IFT88: variants seen among roughly 807,000 people sequenced by gnomAD.
The protein encoded by IFT88 is intraflagellar transport protein 88 homolog.
A neutral mutation model predicts 119.5 loss-of-function variants in IFT88; 74 were observed. That is an observed-to-expected ratio of 0.62 (90% CI 0.51 to 0.75). The LOEUF is 0.75. Among genes scored for constraint, IFT88 ranks in the 30% least tolerant of loss-of-function variants. The pLI, the probability that IFT88 is intolerant of heterozygous loss-of-function variation, is 0.00. For missense variants in IFT88, 961 were observed against 977.7 expected (o/e 0.98, Z 0.23); for synonymous variants, 279 against 316.7 (o/e 0.88, Z 1.26).
intron 20 of IFT88, among the ~76,000 whole-genome samples, chr13:20,650,473 T>G (rs1320254660): frequency 6.6e-6 from 1 of 152,136 alleles, no homozygotes; most frequent in Non-Finnish European, 1.5e-5. Flanking sequence ...TTCCTTAACG[T>G]GTTAAAGTAT....
intron 24 of IFT88, among the ~76,000 whole-genome samples, chr13:20,680,807 A>G (rs897010118): frequency 2.7e-5 from 3 of 111,238 alleles, no homozygotes; most frequent in African/African-American, 1.2e-4. Context: ...TTTGGCCTGG[A>G]GAACACAAGC....
At chr13:20,591,986 A>G (rs1294794219) in intron 6 of IFT88, among the ~76,000 whole-genome samples, 3 of 152,224 alleles carry the variant, frequency 2.0e-5, no homozygotes, top group Admixed American at 6.5e-5. Flanking sequence ...CAATAAGGAA[A>G]ATTAAAAAGC....
At chr13:20,609,387 A>G (rs1713935291) in intron 13 of IFT88, among the ~76,000 whole-genome samples, 2 of 152,172 alleles carry the variant, frequency 1.3e-5, no homozygotes, top group Admixed American at 1.3e-4. Flanking sequence ...TAGGATCTGA[A>G]TCATGTTCTG....
chr13:20,622,508 A>G (rs1202935424), intron 14 of IFT88, among the ~76,000 whole-genome samples: 1 of 152,130 alleles, frequency 6.6e-6, no homozygotes. Context: ...TCAGTGTTTC[A>G]ATTTTGGCCT....
chr13:20,567,919 G>C (rs949263634), intron 1 of IFT88: 1 of 695,168 alleles, frequency 1.4e-6, no homozygotes, highest in African/African-American at 1.8e-5. Context: ...TAGACCAAGG[G>C]TGTCCAATCT....
Position 20,663,128 on chromosome 13 carries a change from C to G in IFT88, c.2069-370C>G, listed in dbSNP as rs1037718940. 7.5e-6 allele frequency: 4 copies of G among 533,814 alleles called. No individual in the cohort carries two copies. The African/African-American group carries it at 8.0e-5, about 11-fold the overall frequency. The allele number at this position is 533,814 out of a possible 1,614,324, so 33.1% of individuals were successfully genotyped here. A position where few individuals can be genotyped will look rare whatever the true frequency, so the allele number is the denominator to read the frequency against. On this transcript the variant is annotated intron_variant, in intron 22 of 25. Transcript: ENST00000351808. The stretch of plus-strand genomic sequence containing the variant: ...TAGTAATGATTATTATATGTATAAA[C>G]TGTCTACACTTTTTAGCCTAGTCTC...
chr13:20,624,738 G>T (rs762148023), intron 14 of IFT88, among the ~76,000 whole-genome samples: 1 of 152,054 alleles, frequency 6.6e-6, no homozygotes, highest in Non-Finnish European at 1.5e-5. Flanking sequence ...CCAGGAGGAG[G>T]CCACTCAGTT....
intron 13 of IFT88, among the ~76,000 whole-genome samples, chr13:20,613,231 A>C (rs1457636260): frequency 6.6e-6 from 1 of 152,166 alleles, no homozygotes; most frequent in African/African-American, 2.4e-5. Flanking sequence ...AGTAATGTCC[A>C]ACTCAATAAT....
In IFT88 at chr13:20,691,213, T is replaced by C; in HGVS notation, c.*38T>C. The C allele has an allele frequency of 1.9e-6, 3 of 1,569,032 alleles. No individual in the cohort carries two copies. The highest frequency in any genetic ancestry group is 2.6e-6 in the Non-Finnish European group (3 of 1,148,232). On this transcript the variant is annotated 3_prime_UTR_variant, in exon 26 of 26. Coordinates refer to ENST00000351808, the MANE Select transcript of IFT88 (RefSeq NM_006531.5). ...TATTTATTAAAGGAAAGAAATTGCC[T>C]TATGAGATCATCCTCATGTTAAACC...
intron 16 of IFT88, among the ~76,000 whole-genome samples, chr13:20,634,739 A>C (rs112503480): frequency 0.014 from 2,063 of 151,244 alleles, 46 homozygotes; most frequent in African/African-American, 0.046. Flanking sequence ...AACAAACAAA[A>C]AAAAAAAAAG....
In IFT88 at chr13:20,590,965, AGTCC is replaced by A; in HGVS notation, c.211-1_213del. 6.2e-7 allele frequency: 1 copy of A among 1,603,974 alleles called. No individual in the cohort carries two copies. Among genetic ancestry groups the A allele is most frequent in the Non-Finnish European group, 8.5e-7 (1 of 1,173,098 alleles). On this transcript the variant is annotated splice_acceptor_variant and coding_sequence_variant, in exon 5 of 26. Transcript: ENST00000351808. LOFTEE classifies it high-confidence loss of function. ...TTTTAACTTAACTTTTCTGTTTACT[AGTCC>A]AAGACATCTCTGGCATCATCAATAG...
intron 24 of IFT88, among the ~76,000 whole-genome samples, chr13:20,676,599 G>A (rs12430213): frequency 0.041 from 6,266 of 152,222 alleles, 431 homozygotes; most frequent in Admixed American, 0.18. Flanking sequence ...GTAACCAAGT[G>A]TACCCCTGTC....
intron 13 of IFT88, among the ~76,000 whole-genome samples, chr13:20,606,217 T>A (rs1284499090): frequency 6.6e-6 from 1 of 152,128 alleles, no homozygotes; most frequent in African/African-American, 2.4e-5. Context: ...GAGCCTGGAA[T>A]TCCACCCCTA....
At chr13:20,572,327 T>G (rs2036528775) in intron 1 of IFT88, among the ~76,000 whole-genome samples, 1 of 152,106 alleles carries the variant, frequency 6.6e-6, no homozygotes, top group Admixed American at 6.5e-5. Flanking sequence ...CAAGCGATTC[T>G]CGTGCCTCAG....
chr13:20,684,995 G>T (rs1017796385), intron 24 of IFT88, among the ~76,000 whole-genome samples: 6 of 152,244 alleles, frequency 3.9e-5, no homozygotes, highest in Admixed American at 3.9e-4. Flanking sequence ...TGCAGAGTGG[G>T]ATCAGGGGGC....
chr13:20,599,386 C>A, intron 10 of IFT88, 65 bp from the exon 11 acceptor site: 2 of 599,706 alleles, frequency 3.3e-6, no homozygotes, highest in South Asian at 2.4e-5. Context: ...AATTAAAAGT[C>A]ATCTAAAATA....
At chr13:20,632,560 A>T (rs2048364633) in intron 16 of IFT88, among the ~76,000 whole-genome samples, 1 of 152,244 alleles carries the variant, frequency 6.6e-6, no homozygotes, top group Non-Finnish European at 1.5e-5. Flanking sequence ...GATTTCCAAG[A>T]ACTGCCCTTA....
At chr13:20,603,890 C>T (rs1285414660) in intron 12 of IFT88, among the ~76,000 whole-genome samples, 1 of 151,670 alleles carries the variant, frequency 6.6e-6, no homozygotes, top group Non-Finnish European at 1.5e-5. Flanking sequence ...AGAGTAAGAC[C>T]TTGTCTCAAA....
chr13:20,673,751 C>G (rs1023178109), intron 24 of IFT88, among the ~76,000 whole-genome samples: 2 of 152,182 alleles, frequency 1.3e-5, no homozygotes, highest in Non-Finnish European at 2.9e-5. Context: ...GCTGCTTTTT[C>G]TTTTTTAATC....
Sources: gnomAD v4.1 joint callset for allele counts (sites outside exome capture counted in the v4.1 genomes callset) on GRCh38, gnomAD v4.1.1 for gene constraint, MANE v1.5 for transcripts, NCBI Gene and HGNC (gene_info 2026-07-23, HGNC 2026-07-21) for gene names.